The following NEIL1 variants were observed in gnomAD, a reference collection of about 807,000 sequenced individuals.
The protein encoded by NEIL1 is endonuclease 8-like 1.
In NEIL1, 31 loss-of-function variants were observed where a neutral mutation model predicts 44.2. The observed-to-expected ratio is 0.70, with a 90% CI of 0.53 to 0.95. NEIL1 has a LOEUF of 0.95. Among genes scored for constraint, NEIL1 ranks in the 40% least tolerant of loss-of-function variants. The pLI, the probability that NEIL1 is intolerant of heterozygous loss-of-function variation, is 0.00. For missense variants in NEIL1, 549 were observed against 515.5 expected, an observed-to-expected ratio of 1.07 and a Z score of -0.63; for synonymous variants, 254 against 209.7, an observed-to-expected ratio of 1.21 and a Z score of -1.83.
At position 75,356,485 on chromosome 15, in the gene NEIL1, T is replaced by A; in HGVS notation, c.*1451T>A. ...ACCAGGAAACAATGCTGGTGGAGAA[T>A]GGGGGCTACCCTCCCCTGTCCCTAG... is the stretch of plus-strand genomic sequence containing the variant. On this transcript the variant is annotated 3_prime_UTR_variant, in exon 10 of 10. Coordinates refer to ENST00000355059, the MANE Select transcript of NEIL1 (RefSeq NM_024608.4). This position sits in a 1 kb window ranked among gnomAD's most constrained non-coding sequence, Gnocchi z 5.8. 1 of 1,574,696 alleles carries A rather than the reference T, an allele frequency of 6.4e-7. No homozygotes were observed. Among genetic ancestry groups the A allele is most frequent in the Non-Finnish European group, 8.6e-7 (1 of 1,162,132 alleles).
Position 75,356,177 on chromosome 15 carries a change from A to G in NEIL1, c.*1143A>G, listed in dbSNP as rs1394143223. ...TCCACGTGGCTGCCGTGGGCCTCAT[A>G]CAGCCTCAGGACCAGCGAGCGGCGC... On this transcript the variant is annotated 3_prime_UTR_variant, in exon 10 of 10. Coordinates refer to ENST00000355059, the MANE Select transcript of NEIL1 (RefSeq NM_024608.4). This position sits in a 1 kb window ranked among gnomAD's most constrained non-coding sequence, Gnocchi z 5.8. 1 of 1,613,588 alleles carries G rather than the reference A, an allele frequency of 6.2e-7. No individual in the cohort carries two copies. Among genetic ancestry groups the G allele is most frequent in the Non-Finnish European group, 8.5e-7 (1 of 1,179,974 alleles).
chr15:75,351,076 A>G (rs561014261), intron 2 of NEIL1, among the ~76,000 whole-genome samples: 1 of 152,284 alleles, frequency 6.6e-6, no homozygotes, highest in Non-Finnish European at 1.5e-5. Context: ...TCTCCTGCAC[A>G]GAGCCAGACA....
chr15:75,349,103 C>G lies in NEIL1; in HGVS notation c.198C>G (p.Ala66=). ...TGATACTGAGCCCTCTGCCTGGGGC[C>G]CAGCCCCAACAGGAGCCACTGGCCC... The part of the protein sequence containing the change: ...LRLILSPLPG[A]QPQQEPLALV... The change falls in exon 2 of 10, where the codon GCC becomes GCG. Residue 66 remains alanine (A), a synonymous_variant. Coordinates refer to ENST00000355059, the MANE Select transcript of NEIL1 (RefSeq NM_024608.4). 7.4e-6 allele frequency: 12 copies of G among 1,612,170 alleles called. No homozygotes were observed. Among genetic ancestry groups the G allele is most frequent in the Non-Finnish European group, 1.0e-5 (12 of 1,179,920 alleles).
chr15:75,350,111 C>G (rs1240803640), intron 2 of NEIL1, among the ~76,000 whole-genome samples: 1 of 152,248 alleles, frequency 6.6e-6, no homozygotes, highest in African/African-American at 2.4e-5. Context: ...TATTCTGTGT[C>G]CTGTGGTCTC....
In NEIL1 at chr15:75,352,334, C is replaced by G. The variant is rs915587414; in HGVS notation, c.565C>G (p.Pro189Ala). Residue 189 changes from proline to alanine, a missense_variant, in exon 4 of 10, where the codon CCC becomes GCC. Physicochemically the swap from Pro to Ala is conservative, Grantham distance 27 (BLOSUM62 -1). Coordinates refer to ENST00000355059, the MANE Select transcript of NEIL1 (RefSeq NM_024608.4). ...TTGCCCCCACTACAGGCTGAAGATCCCCCCCTTTGAGAAGGCCCGCTCGGT... is the reference window on the plus strand; with the variant it reads ...TTGCCCCCACTACAGGCTGAAGATCGCCCCCTTTGAGAAGGCCCGCTCGGT... Reference protein sequence around the residue: ...RAEILYRLKIPPFEKARSVLE... With the variant: ...RAEILYRLKIAPFEKARSVLE... 6.2e-7 allele frequency: 1 copy of G among 1,614,172 alleles called. No individual in the cohort carries two copies. The highest frequency in any genetic ancestry group is 1.7e-5 in the Admixed American group (1 of 60,030).
At chr15:75,352,415 G>A (rs763247172) in intron 4 of NEIL1, 28 bp downstream of exon 4, 8 of 1,611,718 alleles carry the variant, frequency 5.0e-6, no homozygotes, top group East Asian at 4.5e-5. Flanking sequence ...TGGAGCACAC[G>A]TGCTGGCACA....
chr15:75,350,416 G>A (rs2071792945), intron 2 of NEIL1, among the ~76,000 whole-genome samples: 1 of 152,170 alleles, frequency 6.6e-6, no homozygotes, highest in African/African-American at 2.4e-5. Context: ...CTTGGCCGAG[G>A]GTGGGGGTAC....
rs768248874 is a variant in NEIL1 at position 75,356,033 on chromosome 15, C to G, written c.*999C>G. On this transcript the variant is annotated 3_prime_UTR_variant, in exon 10 of 10. Coordinates refer to ENST00000355059, the MANE Select transcript of NEIL1 (RefSeq NM_024608.4). The surrounding 1 kb of genome is among the most constrained non-coding windows in gnomAD (Gnocchi z 5.8). ...GTCTGGTCGCTCCAAGAGATCGCAG[C>G]TGGAGAACAGGAGGGGCCATGAAGG... The G allele has an allele frequency of 5.0e-6, 8 of 1,613,822 alleles. No individual in the cohort carries two copies. The highest frequency in any genetic ancestry group is 6.8e-6 in the Non-Finnish European group (8 of 1,179,928).
intron 6 of NEIL1, 31 bp downstream of exon 6, chr15:75,353,897 C>T (rs758534711): frequency 3.7e-6 from 6 of 1,610,630 alleles, no homozygotes. Context: ...CAGGCAGAGA[C>T]CCCAGGAGGC....
rs751830203 is a variant in NEIL1, at chr15:75,352,163, G to A, written c.487G>A (p.Glu163Lys). The A allele has an allele frequency of 7.4e-6, 12 of 1,614,052 alleles. No individual in the cohort carries two copies. In the East Asian group the frequency reaches 1.1e-4, roughly 15 times the overall value. ...ADKAFDRPICEALLDQRFFNG... is the reference protein window; with the variant it reads ...ADKAFDRPICKALLDQRFFNG... ...TAAGGCCTTTGACCGGCCCATCTGC[G>A]AGGCCCTCCTGGACCAGAGGTTCTT... The change falls in exon 3 of 10, where the codon GAG becomes AAG. Residue 163 changes from glutamate to lysine, a missense_variant. Coordinates refer to ENST00000355059, the MANE Select transcript of NEIL1 (RefSeq NM_024608.4).
At chr15:75,350,233 C>T (rs756533609) in intron 2 of NEIL1, among the ~76,000 whole-genome samples, 6 of 152,196 alleles carry the variant, frequency 3.9e-5, no homozygotes, top group East Asian at 1.9e-4. Context: ...GAAGAGGAAA[C>T]GTGTATGAGT....
At chr15:75,352,865 C>T (rs947437407) in intron 5 of NEIL1, 164 bp downstream of exon 5, 78 of 632,742 alleles carry the variant, frequency 1.2e-4, no homozygotes, top group East Asian at 3.8e-4. Context: ...CCAGGCTGGG[C>T]GCAGTGGCTC....
At position 75,356,788 on chromosome 15, in the gene NEIL1, C is replaced by G. The variant is rs2072323950; in HGVS notation, c.*1754C>G. The G allele has an allele frequency of 6.2e-7, 1 of 1,613,908 alleles. No individual in the cohort carries two copies. ...GCTCCCAGGCCTGGTGGGTACCCCA[C>G]TTACAGCGAGAGGCTGAGGATGCTG... On this transcript the variant is annotated 3_prime_UTR_variant, in exon 10 of 10. Transcript: ENST00000355059. This position sits in a 1 kb window ranked among gnomAD's most constrained non-coding sequence, Gnocchi z 5.8.
At chr15:75,352,414 C>T (rs775885490) in intron 4 of NEIL1, 27 bp downstream of exon 4, 16 of 1,611,456 alleles carry the variant, frequency 9.9e-6, no homozygotes, top group Admixed American at 5.0e-5. Context: ...ATGGAGCACA[C>T]GTGCTGGCAC....
chr15:75,351,497 C>T (rs2071888845), intron 2 of NEIL1: 1 of 336,760 alleles, frequency 3.0e-6, no homozygotes, highest in Non-Finnish European at 5.8e-6. Flanking sequence ...GGCTGGTCTC[C>T]TGGGCTGAAG....
In NEIL1 at chr15:75,355,048, T is replaced by C; in HGVS notation, c.*14T>C. 1 of 1,611,058 alleles carries C rather than the reference T, an allele frequency of 6.2e-7. No individual in the cohort carries two copies. Among genetic ancestry groups the C allele is most frequent in the Non-Finnish European group, 8.5e-7 (1 of 1,178,190 alleles). On this transcript the variant is annotated 3_prime_UTR_variant, in exon 10 of 10. Coordinates refer to ENST00000355059, the MANE Select transcript of NEIL1 (RefSeq NM_024608.4). ...TCAGCCTCTTAGCAGGAGGCTCTCC[T>C]TGCTTGCACTCACCCTTTCTTATTG... is the stretch of plus-strand genomic sequence containing the variant.
Position 75,354,434 on chromosome 15 carries a change from G to C in NEIL1, c.878G>C (p.Arg293Pro). The C allele has an allele frequency of 6.2e-7, 1 of 1,614,188 alleles. No homozygotes were observed. The highest frequency in any genetic ancestry group is 1.1e-5 in the South Asian group (1 of 91,090). The change falls in exon 8 of 10, where the codon CGC (arginine) becomes CCC (proline). Residue 293 changes from arginine (R) to proline (P), a missense_variant. Arg to Pro is a moderately radical substitution (Grantham distance 103). Transcript: ENST00000355059. ...CTCCAACACCAGTGTCCTGCAGGGC[G>C]CAAGTCCCGCAAAAAGAAATCCAAG... ...GDPGPLAPKG[R>P]KSRKKKSKAT...
Position 75,354,643 on chromosome 15 carries a change from C to T in NEIL1, c.937-10C>T. The T allele has an allele frequency of 6.2e-7, 1 of 1,614,072 alleles. No homozygotes were observed. The highest frequency in any genetic ancestry group is 2.2e-5 in the East Asian group (1 of 44,878). The stretch of plus-strand genomic sequence containing the variant: ...TGAGCCCCTCAGGGACCCGTGTCTC[C>T]TCCATCCAGGACGCTTTGCCTCCAA... On this transcript the variant is annotated splice_polypyrimidine_tract_variant and intron_variant, in intron 8 of 9. Coordinates refer to ENST00000355059, the MANE Select transcript of NEIL1 (RefSeq NM_024608.4).
rs2072264430 is a variant in NEIL1, at chr15:75,355,521, AACC to A, written c.*488_*490del. On this transcript the variant is annotated 3_prime_UTR_variant, in exon 10 of 10. Coordinates refer to ENST00000355059, the MANE Select transcript of NEIL1 (RefSeq NM_024608.4). The stretch of plus-strand genomic sequence containing the variant: ...CCTCATCCTGGCAGGAGCCAGGCAA[AACC>A]CACCCTTCGGCCCCTCCCCAGCCCC... The A allele has an allele frequency of 4.1e-6, 1 of 244,226 alleles. No homozygotes were observed. Among genetic ancestry groups the A allele is most frequent in the Non-Finnish European group, 8.0e-6 (1 of 124,690 alleles). 15.1% of individuals were successfully genotyped at this position (244,226 alleles called of 1,614,324 possible). A position where few individuals can be genotyped will look rare whatever the true frequency, so the allele number is the denominator to read the frequency against.
Sources: allele counts gnomAD v4.1 joint callset (sites outside exome capture counted in the v4.1 genomes callset), GRCh38; gene constraint gnomAD v4.1.1; non-coding constraint Gnocchi (gnomAD v3.1); transcripts MANE v1.5; gene names NCBI Gene and HGNC (gene_info 2026-07-23, HGNC 2026-07-21).